The following POLR3B variants were observed in gnomAD, a reference collection of about 807,000 sequenced individuals.
The protein encoded by POLR3B is RNA polymerase III subunit B, also known as DNA-directed RNA polymerase III subunit RPC2.
A neutral mutation model predicts 147.4 loss-of-function variants in POLR3B; 96 were observed. The observed-to-expected ratio is 0.65, with a 90% CI of 0.55 to 0.77. The LOEUF (loss-of-function observed/expected upper bound fraction) is 0.77, where lower values mean the gene tolerates loss of function less well. POLR3B is among the 30% of genes least tolerant of loss of function. The pLI, the probability that POLR3B is intolerant of heterozygous loss-of-function variation, is 0.00. For missense variants in POLR3B, 1,036 were observed against 1,413.5 expected, an observed-to-expected ratio of 0.73 and a Z score of 4.28; for synonymous variants, 461 against 485.9, an observed-to-expected ratio of 0.95 and a Z score of 0.67.
chr12:106,480,369 T>C (rs2038248973), intron 23 of POLR3B, among the ~76,000 whole-genome samples: 1 of 152,196 alleles, frequency 6.6e-6, no homozygotes, highest in Non-Finnish European at 1.5e-5. Context: ...ACTACTTTAT[T>C]GTTGTGCCAT....
At chr12:106,463,991 T>C (rs546626531) in intron 23 of POLR3B, among the ~76,000 whole-genome samples, 3 of 152,206 alleles carry the variant, frequency 2.0e-5, no homozygotes, top group Admixed American at 2.0e-4. Context: ...TGTTGAGTCA[T>C]AGTGTCAGAT....
intron 23 of POLR3B, among the ~76,000 whole-genome samples, chr12:106,479,386 CTT>C (rs542071396): frequency 2.8e-5 from 4 of 144,674 alleles, no homozygotes; most frequent in African/African-American, 7.6e-5. Context: ...TTCTCTCTCT[CTT>C]TTTTTTTTTT....
In POLR3B at chr12:106,496,137, C is replaced by T. The variant is rs141030994; in HGVS notation, c.2796C>T (p.His932=). 1.4e-4 allele frequency: 226 copies of T among 1,605,680 alleles called. No homozygotes were observed. In the African/African-American group the frequency reaches 2.3e-3, roughly 16 times the overall value. ...GTCCGGACATCATCATGAACCCACA[C>T]GGCTTCCCATCACGAATGACGGTCA... is the stretch of plus-strand genomic sequence containing the variant. ...GICPDIIMNP[H]GFPSRMTVGK... The change falls in exon 24 of 28, where the codon CAC becomes CAT. Residue 932 remains histidine (H), a synonymous_variant. Transcript: ENST00000228347.
chr12:106,401,810 C>T (rs978684064), intron 10 of POLR3B, among the ~76,000 whole-genome samples: 1 of 152,104 alleles, frequency 6.6e-6, no homozygotes, highest in Admixed American at 6.5e-5. Context: ...TGGGACATAT[C>T]TCAAAATAAT....
chr12:106,479,138 T>C, intron 23 of POLR3B, among the ~76,000 whole-genome samples: 1 of 152,140 alleles, frequency 6.6e-6, no homozygotes, highest in East Asian at 1.9e-4. Context: ...CCTTCAGTTC[T>C]AGGACATTTT....
intron 19 of POLR3B, among the ~76,000 whole-genome samples, chr12:106,447,692 C>T (rs1039436307): frequency 2.0e-5 from 3 of 152,216 alleles, no homozygotes; most frequent in Admixed American, 6.5e-5. Flanking sequence ...TGGCAGTCCT[C>T]TAGTGGAACA....
chr12:106,500,524 A>C (rs1374151379), intron 25 of POLR3B, among the ~76,000 whole-genome samples: 1 of 152,176 alleles, frequency 6.6e-6, no homozygotes, highest in East Asian at 1.9e-4. Context: ...AAAAGGGGCA[A>C]GTGCGCCAAA....
chr12:106,458,620 G>A (rs998319954), intron 21 of POLR3B, among the ~76,000 whole-genome samples: 3 of 152,148 alleles, frequency 2.0e-5, no homozygotes, highest in African/African-American at 7.2e-5. Context: ...CCTGTGGGCG[G>A]TGAATGCTTT....
intron 12 of POLR3B, among the ~76,000 whole-genome samples, chr12:106,417,594 C>A (rs2037321357): frequency 6.6e-6 from 1 of 151,998 alleles, no homozygotes; most frequent in African/African-American, 2.4e-5. Context: ...CAGATAGTAC[C>A]ACAACTAAAA....
chr12:106,488,161 G>A (rs566810347), intron 23 of POLR3B, among the ~76,000 whole-genome samples: 1 of 152,268 alleles, frequency 6.6e-6, no homozygotes, highest in South Asian at 2.1e-4. Context: ...TTTTAGATGA[G>A]GACATTTCAA....
intron 10 of POLR3B, among the ~76,000 whole-genome samples, chr12:106,401,165 A>G (rs1378314593): frequency 1.3e-5 from 2 of 152,238 alleles, no homozygotes; most frequent in Non-Finnish European, 2.9e-5. Flanking sequence ...CCACAGAAAT[A>G]CAAACTACCA....
chr12:106,497,245 C>T (rs1357662329), intron 25 of POLR3B, among the ~76,000 whole-genome samples: 1 of 150,380 alleles, frequency 6.6e-6, no homozygotes, highest in Admixed American at 6.7e-5. Context: ...AAAGATCGGA[C>T]ACCCCTGCCT....
intron 12 of POLR3B, among the ~76,000 whole-genome samples, chr12:106,417,103 C>T (rs1242903960): frequency 6.6e-6 from 1 of 152,210 alleles, no homozygotes; most frequent in Admixed American, 6.5e-5. Context: ...TTCCATGCTT[C>T]TTCCCCCTTT....
chr12:106,429,730 A>G (rs532709995), intron 13 of POLR3B, among the ~76,000 whole-genome samples: 1 of 152,274 alleles, frequency 6.6e-6, no homozygotes, highest in Non-Finnish European at 1.5e-5. Context: ...TAGATTCCTT[A>G]AACCTTAATT....
intron 23 of POLR3B, among the ~76,000 whole-genome samples, chr12:106,494,474 C>T (rs2038447624): frequency 6.6e-6 from 1 of 152,188 alleles, no homozygotes; most frequent in South Asian, 2.1e-4. Context: ...TTACATTCTC[C>T]CCCGAGCTCG....
At chr12:106,492,447 C>T (rs572337951) in intron 23 of POLR3B, among the ~76,000 whole-genome samples, 26 of 152,192 alleles carry the variant, frequency 1.7e-4, no homozygotes, top group African/African-American at 5.5e-4. Context: ...GTCCCAGCTA[C>T]TAGGGAGGCT....
At chr12:106,508,757 C>T (rs1051304872) in intron 27 of POLR3B, among the ~76,000 whole-genome samples, 10 of 152,180 alleles carry the variant, frequency 6.6e-5, no homozygotes, top group African/African-American at 2.2e-4. Context: ...TGTGCACATG[C>T]ACACATACAC....
intron 19 of POLR3B, among the ~76,000 whole-genome samples, chr12:106,445,975 A>G (rs1389143213): frequency 2.0e-5 from 3 of 152,178 alleles, no homozygotes; most frequent in Non-Finnish European, 4.4e-5. Context: ...TCCTGCTGGT[A>G]TTTACCTGAA....
intron 19 of POLR3B, among the ~76,000 whole-genome samples, chr12:106,450,547 A>G (rs2037781412): frequency 6.6e-6 from 1 of 152,154 alleles, no homozygotes; most frequent in African/African-American, 2.4e-5. Flanking sequence ...AAAAACAAAA[A>G]CCAAGCACTT....
Sources: allele counts gnomAD v4.1 joint callset (sites outside exome capture counted in the v4.1 genomes callset), GRCh38; gene constraint gnomAD v4.1.1; transcripts MANE v1.5; gene names NCBI Gene and HGNC (gene_info 2026-07-23, HGNC 2026-07-21).